NTRK2: variants seen among roughly 807,000 people sequenced by gnomAD.
NTRK2 encodes the protein neurotrophic receptor tyrosine kinase 2.
A neutral mutation model predicts 94.5 loss-of-function variants in NTRK2; 13 were observed. The ratio of observed to expected loss-of-function variants is 0.14; its 90% CI spans 0.09 to 0.22. The LOEUF (loss-of-function observed/expected upper bound fraction) is 0.22, where lower values mean the gene tolerates loss of function less well. NTRK2 is among the 10% of genes least tolerant of loss of function. The probability of loss-of-function intolerance (pLI) is 1.00; values close to 1 mark genes in which losing one functional copy is unlikely to be tolerated. For synonymous variants in NTRK2, 372 were observed against 407.4 expected, an observed-to-expected ratio of 0.91 and a Z score of 1.05; for missense variants, 639 against 1,071.2, an observed-to-expected ratio of 0.60 and a Z score of 5.63.
At chr9:84,755,525 CTTTTTTTTTTT>C (rs745611460) in intron 12 of NTRK2, among the ~76,000 whole-genome samples, 65 of 60,656 alleles carry the variant, frequency 1.1e-3, no homozygotes, top group African/African-American at 3.1e-3. Flanking sequence ...AGTCCCACCT[CTTTTTTTTTTT>C]TTTTTTTTTT....
At chr9:84,791,346 T>C (rs989955487) in intron 12 of NTRK2, among the ~76,000 whole-genome samples, 19 of 152,210 alleles carry the variant, frequency 1.2e-4, no homozygotes, top group Admixed American at 2.6e-4. Flanking sequence ...AATATACTTA[T>C]ATTTTCTTAT....
At chr9:84,893,181 T>C (rs2076646373) in intron 14 of NTRK2, among the ~76,000 whole-genome samples, 1 of 152,162 alleles carries the variant, frequency 6.6e-6, no homozygotes, top group African/African-American at 2.4e-5. Context: ...TCCAGTCAAT[T>C]TCCTCCACTC....
chr9:84,686,794 T>G (rs1311131679), intron 2 of NTRK2, among the ~76,000 whole-genome samples: 1 of 152,210 alleles, frequency 6.6e-6, no homozygotes, highest in Non-Finnish European at 1.5e-5. Flanking sequence ...GAAGTTTTGA[T>G]AGGTGCTTGC....
intron 14 of NTRK2, among the ~76,000 whole-genome samples, chr9:84,903,787 C>A (rs1372321707): frequency 6.6e-6 from 1 of 151,690 alleles, no homozygotes; most frequent in African/African-American, 2.4e-5. Flanking sequence ...ATTCACCTGG[C>A]CTGGGAAACT....
At chr9:84,960,325 C>G (rs1198912863) in intron 17 of NTRK2, among the ~76,000 whole-genome samples, 2 of 152,196 alleles carry the variant, frequency 1.3e-5, no homozygotes, top group African/African-American at 4.8e-5. Context: ...TTACCCTACT[C>G]ACCTTAGAGG....
At position 85,024,656 on chromosome 9, in the gene NTRK2, C is replaced by T. The variant is rs1247802271; in HGVS notation, c.*3219C>T. The T allele has an allele frequency of 1.7e-5, 4 of 232,868 alleles. No individual in the cohort carries two copies. The highest frequency in any genetic ancestry group is 8.8e-5 in the African/African-American group (4 of 45,322). The allele number at this position is 232,868 out of a possible 1,614,324, so 14.4% of individuals were successfully genotyped here. On this transcript the variant is annotated 3_prime_UTR_variant, in exon 19 of 19. Coordinates refer to ENST00000277120, the MANE Select transcript of NTRK2 (RefSeq NM_006180.6). The stretch of plus-strand genomic sequence containing the variant: ...CAGTTCAGGAAAGAAAGCATGCTAA[C>T]ACATTCATGAAGCAGTATATGAAGT...
chr9:84,872,944 G>C (rs1381894296), intron 14 of NTRK2: 3 of 1,064,902 alleles, frequency 2.8e-6, no homozygotes, highest in Non-Finnish European at 3.4e-6. Flanking sequence ...GGGAAAGGCT[G>C]GAGGTGATAT....
At chr9:84,781,106 C>T (rs2067521678) in intron 12 of NTRK2, among the ~76,000 whole-genome samples, 1 of 152,086 alleles carries the variant, frequency 6.6e-6, no homozygotes, top group Admixed American at 6.6e-5. Context: ...TTCCTCTCTT[C>T]ATAACTTTTG....
intron 15 of NTRK2, among the ~76,000 whole-genome samples, chr9:84,939,587 A>G (rs189921810): frequency 1.3e-5 from 2 of 152,324 alleles, no homozygotes; most frequent in Admixed American, 1.3e-4. Context: ...AATTCAAGGG[A>G]ATAAGTGGAA....
At position 84,748,807 on chromosome 9, in the gene NTRK2, G is replaced by A. The variant is rs1390355791; in HGVS notation, c.1297-3179G>A. On this transcript the variant is annotated intron_variant, in intron 11 of 18. Transcript: ENST00000277120. ...TGATCTCTTTCCCATGAAAACATTA[G>A]TTAGAAATAAAGATTTTTAAAAAAC... is the stretch of plus-strand genomic sequence containing the variant. 3.3e-5 allele frequency among the ~76,000 whole-genome samples: 5 copies of A among 152,304 alleles called. No homozygotes were observed. The East Asian group carries it at 9.7e-4, about 29-fold the overall frequency.
chr9:84,752,448 C>T (rs1435149903), intron 12 of NTRK2, among the ~76,000 whole-genome samples: 1 of 152,224 alleles, frequency 6.6e-6, no homozygotes, highest in Non-Finnish European at 1.5e-5. Context: ...GCAGAAAGGT[C>T]TATGCTGCTG....
intron 12 of NTRK2, among the ~76,000 whole-genome samples, chr9:84,853,525 TG>T (rs1478801308): frequency 6.6e-6 from 1 of 152,252 alleles, no homozygotes; most frequent in African/African-American, 2.4e-5. Context: ...GTTTTTATGT[TG>T]TATGTATAAT....
intron 2 of NTRK2, among the ~76,000 whole-genome samples, chr9:84,674,106 T>A (rs1272992349): frequency 7.6e-6 from 1 of 131,266 alleles, no homozygotes; most frequent in Non-Finnish European, 1.7e-5. Flanking sequence ...AGTCGTGCAT[T>A]TTTTTAGCTG....
At chr9:85,013,204 A>G (rs892876226) in intron 17 of NTRK2, among the ~76,000 whole-genome samples, 2 of 152,158 alleles carry the variant, frequency 1.3e-5, no homozygotes, top group Non-Finnish European at 2.9e-5. Flanking sequence ...GAAGCCCCTT[A>G]TCACTCTTTG....
intron 6 of NTRK2, among the ~76,000 whole-genome samples, chr9:84,717,134 G>T (rs1443042112): frequency 2.0e-5 from 3 of 152,198 alleles, no homozygotes; most frequent in African/African-American, 7.2e-5. Flanking sequence ...ACAAATAGAA[G>T]TGAGAGGAGA....
At chr9:84,892,832 G>T (rs1341736996) in intron 14 of NTRK2, among the ~76,000 whole-genome samples, 1 of 151,948 alleles carries the variant, frequency 6.6e-6, no homozygotes, top group Non-Finnish European at 1.5e-5. Flanking sequence ...TGAGGCAGGA[G>T]AATTGCTTGA....
At chr9:84,677,206 A>AC (rs1275937704) in intron 2 of NTRK2, among the ~76,000 whole-genome samples, 1 of 151,902 alleles carries the variant, frequency 6.6e-6, no homozygotes, top group Non-Finnish European at 1.5e-5. Flanking sequence ...AAGTGGAGAA[A>AC]CCCGCAGCCC....
At chr9:84,970,097 T>C (rs1826004946) in intron 17 of NTRK2, among the ~76,000 whole-genome samples, 1 of 152,126 alleles carries the variant, frequency 6.6e-6, no homozygotes, top group African/African-American at 2.4e-5. Context: ...AACTTTTAAA[T>C]GGCAATAATA....
At chr9:84,723,184 G>A (rs79820312) in intron 6 of NTRK2, among the ~76,000 whole-genome samples, 297 of 152,286 alleles carry the variant, frequency 2.0e-3, no homozygotes, top group African/African-American at 6.6e-3. Flanking sequence ...AAAATGGGGG[G>A]TAGGAGACAG....
Sources: gnomAD v4.1 joint callset for allele counts (sites outside exome capture counted in the v4.1 genomes callset) on GRCh38, gnomAD v4.1.1 for gene constraint, MANE v1.5 for transcripts, NCBI Gene and HGNC (gene_info 2026-07-23, HGNC 2026-07-21) for gene names.